Variants in WDR26 observed in about 807,000 individuals in gnomAD.
WDR26 encodes the protein WD repeat-containing protein 26.
WDR26 carries 5 observed loss-of-function variants against 84.1 expected under a neutral mutation model. The ratio of observed to expected loss-of-function variants is 0.06; its 90% CI spans 0.03 to 0.13. The LOEUF is 0.13. Ranked by LOEUF, WDR26 falls within the 10% of genes least tolerant of loss-of-function variation. WDR26 has a pLI of 1.00. For synonymous variants in WDR26, 415 were observed against 389.6 expected, an observed-to-expected ratio of 1.07 and a Z score of -0.77; for missense variants, 642 against 974.9, an observed-to-expected ratio of 0.66 and a Z score of 4.55.
intron 9 of WDR26, 38 bp from the exon 10 acceptor site, chr1:224,399,072 A>T: frequency 6.9e-7 from 1 of 1,452,126 alleles, no homozygotes; most frequent in South Asian, 1.6e-5. Flanking sequence ...TCATTACTCA[A>T]CAGCACTCAG....
At chr1:224,432,448 T>C (rs1045821139) in intron 1 of WDR26, among the ~76,000 whole-genome samples, 3 of 152,250 alleles carry the variant, frequency 2.0e-5, no homozygotes, top group African/African-American at 7.2e-5. Flanking sequence ...AAGTGAATTC[T>C]TCCTACCACA....
intron 3 of WDR26, chr1:224,430,763 T>C (rs985950409): frequency 2.0e-5 from 3 of 152,156 alleles, no homozygotes; most frequent in African/African-American, 7.2e-5. Context: ...ACTCCAGCAT[T>C]TAGAAAAAAC....
chr1:224,394,133 C>T (rs2102886905), intron 12 of WDR26, 120 bp from the exon 13 acceptor site: 1 of 689,778 alleles, frequency 1.4e-6, no homozygotes, highest in Non-Finnish European at 2.1e-6. Context: ...AATAAATATA[C>T]CATGAATAGT....
chr1:224,433,617 C>CACA, intron 1 of WDR26, 67 bp downstream of exon 1: 3 of 877,110 alleles, frequency 3.4e-6, no homozygotes, highest in African/African-American at 1.8e-5. Flanking sequence ...TCCGCCCCTT[C>CACA]CCCTACCCCC....
At chr1:224,413,323 T>C (rs1263226217) in intron 6 of WDR26, 14 of 1,243,940 alleles carry the variant, frequency 1.1e-5, no homozygotes, top group Non-Finnish European at 1.5e-5. Context: ...TTACATTTTG[T>C]CAATTCACCA....
rs903382770 is a variant in WDR26 at position 224,389,029 on chromosome 1, A to G, written c.*806T>C. 4 of 152,428 alleles carry G rather than the reference A, an allele frequency of 2.6e-5. No homozygotes were observed. Among genetic ancestry groups the G allele is most frequent in the African/African-American group, 9.7e-5 (4 of 41,280 alleles). 9.4% of individuals were successfully genotyped at this position (152,428 alleles called of 1,614,324 possible). A position where few individuals can be genotyped will look rare whatever the true frequency, so the allele number is the denominator to read the frequency against. On this transcript the variant is annotated 3_prime_UTR_variant, in exon 14 of 14. Coordinates refer to ENST00000414423, the MANE Select transcript of WDR26 (RefSeq NM_001379403.1). ...CAAGCACTGTTTCTGACCATGTCTC[A>G]TGTGGTATTCCAGAAGAGCATCAGT...
In WDR26 at chr1:224,434,312, G is replaced by T; in HGVS notation, c.94C>A (p.Arg32=). 2.4e-6 allele frequency: 3 copies of T among 1,233,040 alleles called. No individual in the cohort carries two copies. Among genetic ancestry groups the T allele is most frequent in the Non-Finnish European group, 3.0e-6 (3 of 988,896 alleles). 76.4% of individuals were successfully genotyped at this position (1,233,040 alleles called of 1,614,324 possible). A position where few individuals can be genotyped will look rare whatever the true frequency, so the allele number is the denominator to read the frequency against. Residue 32 remains arginine, a synonymous_variant, in exon 1 of 14, where the codon CGA becomes AGA. Coordinates refer to ENST00000414423, the MANE Select transcript of WDR26 (RefSeq NM_001379403.1). Reference sequence around the variant, plus strand: ...CCTACTCCCTCCGCCGCCGAGGCTCGGGGTTTCTTCCGCGGGGGCGGGGAG... The same window carrying T: ...CCTACTCCCTCCGCCGCCGAGGCTCTGGGTTTCTTCCGCGGGGGCGGGGAG...
Position 224,387,859 on chromosome 1 carries a change from GAT to G in WDR26, c.*1974_*1975del, listed in dbSNP as rs913229178. 6.6e-6 allele frequency: 1 copy of G among 152,532 alleles called. No individual in the cohort carries two copies. Among genetic ancestry groups the G allele is most frequent in the African/African-American group, 2.4e-5 (1 of 41,400 alleles). 9.4% of individuals were successfully genotyped at this position (152,532 alleles called of 1,614,324 possible). On this transcript the variant is annotated 3_prime_UTR_variant, in exon 14 of 14. Transcript: ENST00000414423. ...TTAATTACATACAGTTACCAATGAA[GAT>G]TTTTATTCAAGCTTAAAGTAAAAAG...
intron 7 of WDR26, among the ~76,000 whole-genome samples, chr1:224,408,312 A>C (rs1487009705): frequency 6.6e-6 from 1 of 152,286 alleles, no homozygotes; most frequent in African/African-American, 2.4e-5. Context: ...TTGCTGTTCC[A>C]GTAGGCTCTC....
At chr1:224,433,602 C>G (rs1347211184) in intron 1 of WDR26, 82 bp downstream of exon 1, 5 of 500,530 alleles carry the variant, frequency 1.0e-5, no homozygotes, top group Non-Finnish European at 1.7e-5. Context: ...AGCCCCCCTC[C>G]CCCCTCCGCC....
intron 6 of WDR26, among the ~76,000 whole-genome samples, chr1:224,416,293 T>A (rs186329568): frequency 2.5e-4 from 38 of 152,010 alleles, no homozygotes; most frequent in Admixed American, 6.6e-5. Flanking sequence ...AGTGGTGTGA[T>A]CTCAGCTCAT....
At chr1:224,401,102 C>T (rs768361767) in intron 8 of WDR26, 33 bp from the exon 9 acceptor site, 1 of 1,589,684 alleles carries the variant, frequency 6.3e-7, no homozygotes, top group Non-Finnish European at 8.6e-7. Flanking sequence ...ATGAGACCTT[C>T]AAGATACCCC....
In WDR26 at chr1:224,401,690, G is replaced by GA. The variant is rs67543360; in HGVS notation, c.1600-622dup. Among the ~76,000 whole-genome samples the GA allele has an allele frequency of 1.3e-4, 11 of 84,052 alleles. No homozygotes were observed. In the East Asian group the frequency reaches 2.2e-3, roughly 17 times the overall value. 55.1% of individuals were successfully genotyped at this position (84,052 alleles called of 152,430 possible). ...CTGTCTCAAAAAAAAAAAAAAAAAA[G>GA]AAAAAAAAAAAGAAAAAAGAAAAAA... On this transcript the variant is annotated intron_variant, in intron 8 of 13. Transcript: ENST00000414423.
intron 8 of WDR26, 74 bp downstream of exon 8, chr1:224,404,356 A>G (rs1237647233): frequency 2.0e-6 from 3 of 1,502,924 alleles, no homozygotes; most frequent in African/African-American, 2.8e-5. Flanking sequence ...ATATAAATCA[A>G]TAAAGTTATA....
At chr1:224,410,761 A>G (rs1673716615) in intron 7 of WDR26, among the ~76,000 whole-genome samples, 2 of 146,708 alleles carry the variant, frequency 1.4e-5, no homozygotes, top group Non-Finnish European at 3.0e-5. Context: ...TGCAGTATCA[A>G]GGTCACAGCT....
intron 4 of WDR26, 110 bp downstream of exon 4, chr1:224,424,408 C>G: frequency 5.6e-6 from 8 of 1,419,362 alleles, no homozygotes; most frequent in Non-Finnish European, 7.6e-6. Context: ...TTTACCTAGA[C>G]AAATATCTAA....
At chr1:224,431,221 G>C (rs1674382061) in intron 3 of WDR26, 3 of 365,360 alleles carry the variant, frequency 8.2e-6, no homozygotes, top group East Asian at 1.0e-4. Context: ...TCTATTAGTA[G>C]CACTGAAAGC....
In WDR26 at chr1:224,434,169, G is replaced by C; in HGVS notation, c.237C>G (p.Ala79=). Residue 79 remains alanine (A), a synonymous_variant, in exon 1 of 14, where the codon GCC becomes GCG. Transcript: ENST00000414423. ...GGGGGACAGCAGCGGCGGCGGGAGG[G>C]GCAGCAGCCGGGGGAAGTCCCACCA... 1 of 1,422,824 alleles carries C rather than the reference G, an allele frequency of 7.0e-7. No individual in the cohort carries two copies. Among genetic ancestry groups the C allele is most frequent in the South Asian group, 1.5e-5 (1 of 65,216 alleles). The allele number at this position is 1,422,824 out of a possible 1,614,324, so 88.1% of individuals were successfully genotyped here.
rs763225660 is a variant in WDR26, at chr1:224,404,451, C to G, written c.1578G>C (p.Glu526Asp). 2 of 1,614,038 alleles carry G rather than the reference C, an allele frequency of 1.2e-6. No homozygotes were observed. The highest frequency in any genetic ancestry group is 1.7e-6 in the Non-Finnish European group (2 of 1,179,952). The change falls in exon 8 of 14, where the codon GAG becomes GAC. Residue 526 changes from glutamate to aspartate, a missense_variant. Glu to Asp is a conservative substitution (Grantham distance 45). Coordinates refer to ENST00000414423, the MANE Select transcript of WDR26 (RefSeq NM_001379403.1). ...TCACTTGTACATTCCAAAGCCAAAG[C>G]TCAGAGCAGTCATCTGGGCCACAAG...
Sources: allele counts gnomAD v4.1 joint callset (sites outside exome capture counted in the v4.1 genomes callset), GRCh38; gene constraint gnomAD v4.1.1; transcripts MANE v1.5; gene names NCBI Gene and HGNC (gene_info 2026-07-23, HGNC 2026-07-21).